Variants in MID1 observed in about 807,000 individuals in gnomAD.
MID1 encodes midline 1.
Under a neutral mutation model 40.4 loss-of-function variants are expected in MID1, and 7 were observed. The ratio of observed to expected loss-of-function variants is 0.17; its 90% CI spans 0.10 to 0.33. The LOEUF (loss-of-function observed/expected upper bound fraction) is 0.33, where lower values mean the gene tolerates loss of function less well. Ranked by LOEUF, MID1 falls within the 10% of genes least tolerant of loss-of-function variation. The pLI, the probability that MID1 is intolerant of heterozygous loss-of-function variation, is 1.00. For synonymous variants in MID1, 229 were observed against 221.2 expected (o/e 1.04, Z -0.31); for missense variants, 367 against 558.5 (o/e 0.66, Z 3.46).
At chrX:10,519,117 C>A (rs192561931) in intron 3 of MID1, among the ~76,000 whole-genome samples, 16 of 111,691 alleles carry the variant, frequency 1.4e-4, no homozygotes, top group Non-Finnish European at 2.4e-4. Context: ...GGAAACCAGA[C>A]ATTAATGCTT....
chrX:10,766,908 CAA>C (rs61259004), intron 1 of MID1, among the ~76,000 whole-genome samples: 593 of 57,244 alleles, frequency 0.01, 9 homozygotes, highest in African/African-American at 0.028. Flanking sequence ...GACCCTGCCT[CAA>C]AAAAAAAAAA....
At chrX:10,655,114 C>T (rs1383170432) in intron 1 of MID1, among the ~76,000 whole-genome samples, 1 of 111,669 alleles carries the variant, frequency 9.0e-6, no homozygotes, top group African/African-American at 3.3e-5. Flanking sequence ...TATGCAAGAC[C>T]TCAAAAAAGT....
At chrX:10,645,416 T>C (rs1200620753) in intron 1 of MID1, among the ~76,000 whole-genome samples, 3 of 111,973 alleles carry the variant, frequency 2.7e-5, no homozygotes, top group Non-Finnish European at 5.6e-5. Context: ...TATTTGAACA[T>C]GGTTTGAACA....
At chrX:10,767,947 T>A (rs1295412961) in intron 1 of MID1, among the ~76,000 whole-genome samples, 1 of 111,915 alleles carries the variant, frequency 8.9e-6, no homozygotes, top group Non-Finnish European at 1.9e-5. Flanking sequence ...AGAATTTGCT[T>A]GTGTGGGTTG....
Position 10,817,558 on chromosome X carries a change from TTCTTTCTTTCTTTCTC to T in MID1, c.-187+15980_-187+15995del, listed in dbSNP as rs1414251614. Among the ~76,000 whole-genome samples, 325 of 98,460 alleles carry T rather than the reference TTCTTTCTTTCTTTCTC, an allele frequency of 3.3e-3. 2 individuals are homozygous for T. The highest frequency in any genetic ancestry group is 0.011 in the African/African-American group (297 of 26,190). The allele number at this position is 98,460 out of a possible 115,157, so 85.5% of individuals were successfully genotyped here. ...TTTCTTTCTTTCTTTCTTTCTTTCT[TTCTTTCTTTCTTTCTC>T]TCTTTCTTTCTTTCTCTCTCTCTTT... is the stretch of plus-strand genomic sequence containing the variant. On this transcript the variant is annotated intron_variant, in intron 1 of 10. Coordinates refer to the MID1 transcript ENST00000380785.
intron 5 of MID1, among the ~76,000 whole-genome samples, chrX:10,481,797 A>C (rs938881800): frequency 8.9e-6 from 1 of 112,639 alleles, no homozygotes; most frequent in Non-Finnish European, 1.9e-5. Context: ...GTGTCAGTGA[A>C]GATGAGCAAT....
At chrX:10,675,054 T>A in intron 1 of MID1, among the ~76,000 whole-genome samples, 1 of 112,264 alleles carries the variant, frequency 8.9e-6, no homozygotes, top group East Asian at 2.8e-4. Context: ...ATGAAATAAA[T>A]GGCATGCATT....
chrX:10,708,479 A>C (rs1012573521), intron 1 of MID1, among the ~76,000 whole-genome samples: 1 of 110,995 alleles, frequency 9.0e-6, no homozygotes, highest in African/African-American at 3.3e-5. Flanking sequence ...ACCAGGGCAA[A>C]AAGAAAAGGG....
chrX:10,472,733 C>T (rs975331923), intron 6 of MID1, among the ~76,000 whole-genome samples: 1 of 111,824 alleles, frequency 8.9e-6, no homozygotes, highest in African/African-American at 3.3e-5. Flanking sequence ...TTTCTTTTTG[C>T]CTAGAGCTTG....
intron 1 of MID1, among the ~76,000 whole-genome samples, chrX:10,719,530 G>T (rs1400124710): frequency 9.0e-6 from 1 of 111,346 alleles, no homozygotes; most frequent in Non-Finnish European, 1.9e-5. Flanking sequence ...ACAAACCACT[G>T]CTCAATGAAA....
At chrX:10,571,140 C>T (rs770498439) in intron 1 of MID1, among the ~76,000 whole-genome samples, 1 of 112,462 alleles carries the variant, frequency 8.9e-6, no homozygotes, top group Non-Finnish European at 1.9e-5. Context: ...TCTTTTACTG[C>T]CATAGCACCT....
At chrX:10,603,977 A>G (rs1935579473) in intron 1 of MID1, among the ~76,000 whole-genome samples, 1 of 112,019 alleles carries the variant, frequency 8.9e-6, no homozygotes, top group South Asian at 3.7e-4. Context: ...TAAAGCAGCT[A>G]CAATGGTTCA....
intron 3 of MID1, among the ~76,000 whole-genome samples, chrX:10,509,097 G>A (rs1376075455): frequency 1.8e-5 from 2 of 111,625 alleles, no homozygotes; most frequent in Non-Finnish European, 3.8e-5. Context: ...GCAGTAGAAG[G>A]GCAGGCAGGA....
chrX:10,696,456 A>G (rs149840648), intron 1 of MID1, among the ~76,000 whole-genome samples: 1,430 of 111,337 alleles, frequency 0.013, 27 homozygotes, highest in African/African-American at 0.044. Context: ...GCCCTCTTCC[A>G]AGTGTACTTT....
At chrX:10,829,871 C>T (rs897552215) in intron 1 of MID1, among the ~76,000 whole-genome samples, 2 of 111,502 alleles carry the variant, frequency 1.8e-5, no homozygotes, top group African/African-American at 3.3e-5. Flanking sequence ...GAATTGTTAC[C>T]GAAACTTGTA....
chrX:10,471,610 T>C (rs1929712975), intron 6 of MID1, among the ~76,000 whole-genome samples: 1 of 112,180 alleles, frequency 8.9e-6, no homozygotes, highest in African/African-American at 3.2e-5. Flanking sequence ...CATGAATCAG[T>C]GACACCAATC....
intron 1 of MID1, among the ~76,000 whole-genome samples, chrX:10,615,062 C>T (rs765833358): frequency 7.1e-5 from 8 of 112,087 alleles, no homozygotes; most frequent in Non-Finnish European, 1.1e-4. Flanking sequence ...TAAATTTCTA[C>T]AAATGGACAT....
At chrX:10,824,749 G>T (rs886975226) in intron 1 of MID1, among the ~76,000 whole-genome samples, 1 of 111,416 alleles carries the variant, frequency 9.0e-6, no homozygotes, top group African/African-American at 3.3e-5. Context: ...AGTGGAAAGA[G>T]AAAGGTCTTT....
intron 5 of MID1, among the ~76,000 whole-genome samples, chrX:10,476,433 C>G (rs1209442395): frequency 1.8e-5 from 2 of 110,519 alleles, no homozygotes; most frequent in Non-Finnish European, 3.8e-5. Flanking sequence ...CTTGGCCTCC[C>G]AAAGTGCTGG....
Sources: allele counts gnomAD v4.1 joint callset (sites outside exome capture counted in the v4.1 genomes callset), GRCh38; gene constraint gnomAD v4.1.1; transcripts MANE v1.5; gene names NCBI Gene and HGNC (gene_info 2026-07-23, HGNC 2026-07-21).